ADGRB1: variants seen among roughly 807,000 people sequenced by gnomAD.
The protein encoded by ADGRB1 is brain-specific angiogenesis inhibitor 1.
ADGRB1 carries 36 observed loss-of-function variants against 175.7 expected under a neutral mutation model. That is an observed-to-expected ratio of 0.20 (90% CI 0.16 to 0.27). The LOEUF (loss-of-function observed/expected upper bound fraction) is 0.27, where lower values mean the gene tolerates loss of function less well. ADGRB1 is among the 10% of genes least tolerant of loss of function. The pLI, the probability that ADGRB1 is intolerant of heterozygous loss-of-function variation, is 1.00. For missense variants in ADGRB1, 1,731 were observed against 2,255.3 expected, an observed-to-expected ratio of 0.77 and a Z score of 4.71; for synonymous variants, 1,054 against 979.4, an observed-to-expected ratio of 1.08 and a Z score of -1.42.
Position 142,504,725 on chromosome 8 carries a change from GT to G in ADGRB1, c.2676-6206del. 6.6e-6 allele frequency among the ~76,000 whole-genome samples: 1 copy of G among 152,226 alleles called. No individual in the cohort carries two copies. The highest frequency in any genetic ancestry group is 2.1e-4 in the South Asian group (1 of 4,818). ...TGGATGAAGCATGACTAAGGGGCTT[GT>G]ACCTAGGGGTGATCGAGCCGCGTGT... On this transcript the variant is annotated intron_variant, in intron 17 of 30. Transcript: ENST00000517894. This position sits in a 1 kb window ranked among gnomAD's most constrained non-coding sequence, Gnocchi z 5.6.
chr8:142,489,287 G>T (rs757760141), intron 15 of ADGRB1, 49 bp from the exon 16 acceptor site: 4 of 1,602,908 alleles, frequency 2.5e-6, no homozygotes, highest in African/African-American at 2.7e-5. Flanking sequence ...GCCAGGAGGA[G>T]CCTGGGCTGG....
At chr8:142,459,733 T>C (rs1167342308) in intron 1 of ADGRB1, among the ~76,000 whole-genome samples, 1 of 152,158 alleles carries the variant, frequency 6.6e-6, no homozygotes, top group Admixed American at 6.5e-5. Flanking sequence ...TATGCACACA[T>C]GCATTTGTGC....
chr8:142,513,604 C>T (rs149385812), intron 18 of ADGRB1, among the ~76,000 whole-genome samples: 1 of 152,246 alleles, frequency 6.6e-6, no homozygotes, highest in East Asian at 1.9e-4. Flanking sequence ...GATGTGTGCA[C>T]ACAGAGGTCT....
intron 18 of ADGRB1, among the ~76,000 whole-genome samples, chr8:142,512,138 C>T (rs114085128): frequency 2.6e-5 from 4 of 152,236 alleles, no homozygotes; most frequent in African/African-American, 4.8e-5. Flanking sequence ...CAGTAAAATC[C>T]TCTGTTGACA....
At chr8:142,483,182 ACTGAG>A in intron 11 of ADGRB1, among the ~76,000 whole-genome samples, 1 of 132,344 alleles carries the variant, frequency 7.6e-6, no homozygotes, top group South Asian at 2.5e-4. Context: ...CCCTGGTCAC[ACTGAG>A]CCCTGACCCT....
At chr8:142,478,687 C>T (rs1841143414) in intron 7 of ADGRB1, among the ~76,000 whole-genome samples, 1 of 144,064 alleles carries the variant, frequency 6.9e-6, no homozygotes, top group African/African-American at 2.6e-5. Context: ...TAGCAGGGTG[C>T]ACAGTGGGAC....
chr8:142,529,211 A>T (rs1030720295), intron 24 of ADGRB1, among the ~76,000 whole-genome samples: 19 of 152,014 alleles, frequency 1.2e-4, no homozygotes, highest in African/African-American at 4.4e-4. Flanking sequence ...CATGTGTGTG[A>T]GTGTGCATGC....
intron 2 of ADGRB1, among the ~76,000 whole-genome samples, chr8:142,470,207 C>T (rs776090128): frequency 1.3e-5 from 2 of 152,248 alleles, no homozygotes; most frequent in African/African-American, 2.4e-5. Context: ...TGCCGGCTCT[C>T]TCTGGCTCTC....
In ADGRB1 at chr8:142,476,617, C is replaced by T. The variant is rs758174449; in HGVS notation, c.979C>T (p.Leu327=). The change falls in exon 4 of 31, where the codon CTG becomes TTG. Residue 327 remains leucine, a synonymous_variant. Transcript: ENST00000517894. ...AGRTSSRSQS[L]RSTDARRREE... ...GCGCACCAGCTCCCGGAGCCAGTCC[C>T]TGCGGTCCACAGATGCCCGGCGGCG... is the stretch of plus-strand genomic sequence containing the variant. The T allele has an allele frequency of 1.9e-6, 3 of 1,548,906 alleles. No individual in the cohort carries two copies. In the South Asian group the frequency reaches 3.6e-5, roughly 18 times the overall value.
In ADGRB1 at chr8:142,537,452, C is replaced by A. The variant is rs1338923886; in HGVS notation, c.3666+370C>A. On this transcript the variant is annotated intron_variant, in intron 26 of 30. Coordinates refer to ENST00000517894, the MANE Select transcript of ADGRB1 (RefSeq NM_001702.3). This position sits in a 1 kb window ranked among gnomAD's most constrained non-coding sequence, Gnocchi z 4.6. ...CCACCCTCAGTGCCCTCCATCCCCA[C>A]CCAGGAAAGTCCTGCTCAGCTGCCA... 6.6e-6 allele frequency among the ~76,000 whole-genome samples: 1 copy of A among 152,080 alleles called. No homozygotes were observed. The highest frequency in any genetic ancestry group is 1.5e-5 in the Non-Finnish European group (1 of 67,990).
intron 13 of ADGRB1, 129 bp downstream of exon 13, chr8:142,484,893 G>C: frequency 1.5e-6 from 1 of 688,830 alleles, no homozygotes; most frequent in Non-Finnish European, 2.4e-6. Flanking sequence ...CCTCCCAGCC[G>C]ATTTCTCAGA....
chr8:142,498,658 C>T (rs968176367), intron 17 of ADGRB1, among the ~76,000 whole-genome samples: 1 of 152,088 alleles, frequency 6.6e-6, no homozygotes, highest in African/African-American at 2.4e-5. Context: ...GTCCAGGGAG[C>T]TTCCTGGGCA....
chr8:142,487,031 C>A (rs1242054083), intron 13 of ADGRB1, among the ~76,000 whole-genome samples: 2 of 152,166 alleles, frequency 1.3e-5, no homozygotes, highest in African/African-American at 4.8e-5. Flanking sequence ...CAAAAAAAGA[C>A]AAAGTTCTGA....
chr8:142,520,702 T>C (rs1251653497), intron 19 of ADGRB1, 121 bp from the exon 20 acceptor site: 26 of 763,432 alleles, frequency 3.4e-5, no homozygotes, highest in Non-Finnish European at 6.0e-5. Context: ...GTGGTGGTGC[T>C]GTTGGTGACA....
At chr8:142,506,983 G>A (rs1487281184) in intron 17 of ADGRB1, among the ~76,000 whole-genome samples, 1 of 152,236 alleles carries the variant, frequency 6.6e-6, no homozygotes, top group African/African-American at 2.4e-5. Flanking sequence ...TTTCAGTCAA[G>A]GTTCAGATGT....
intron 17 of ADGRB1, among the ~76,000 whole-genome samples, chr8:142,502,375 G>C (rs1842630857): frequency 8.0e-6 from 1 of 124,628 alleles, no homozygotes; most frequent in East Asian, 2.6e-4. Flanking sequence ...TGGTTGCGTG[G>C]TTTTGATGAT....
chr8:142,467,805 G>A (rs997810410), intron 2 of ADGRB1, among the ~76,000 whole-genome samples: 10 of 152,208 alleles, frequency 6.6e-5, no homozygotes, highest in Non-Finnish European at 1.0e-4. Context: ...AAAACAGGAA[G>A]GGTAAAAATA....
chr8:142,527,313 T>C (rs1381344878), intron 24 of ADGRB1, among the ~76,000 whole-genome samples: 1 of 152,208 alleles, frequency 6.6e-6, no homozygotes, highest in Non-Finnish European at 1.5e-5. Context: ...TGCTGTTCTG[T>C]GTCATCCAGC....
At position 142,511,010 on chromosome 8, in the gene ADGRB1, G is replaced by T; in HGVS notation, c.2754G>T (p.Arg918=). The T allele has an allele frequency of 7.6e-7, 1 of 1,317,082 alleles. No individual in the cohort carries two copies. Among genetic ancestry groups the T allele is most frequent in the Non-Finnish European group, 9.8e-7 (1 of 1,016,170 alleles). The allele number at this position is 1,317,082 out of a possible 1,614,324, so 81.6% of individuals were successfully genotyped here. The change falls in exon 18 of 31, where the codon CGG becomes CGT. Residue 918 remains arginine (R), a synonymous_variant. Transcript: ENST00000517894. The surrounding 1 kb of genome is among the most constrained non-coding windows in gnomAD (Gnocchi z 4.5). ...GCRTVPLDAL[R]TRCLCDRLST... is the part of the protein sequence containing the mutation. Reference sequence around the variant, plus strand: ...GCACGGTGCCCCTCGACGCCCTCCGGACGCGCTGCCTCTGTGACCGGCTCT... The same window carrying T: ...GCACGGTGCCCCTCGACGCCCTCCGTACGCGCTGCCTCTGTGACCGGCTCT...
Sources: gnomAD v4.1 joint callset for allele counts (sites outside exome capture counted in the v4.1 genomes callset) on GRCh38, gnomAD v4.1.1 for gene constraint, Gnocchi (gnomAD v3.1) non-coding constraint, MANE v1.5 for transcripts, NCBI Gene and HGNC (gene_info 2026-07-23, HGNC 2026-07-21) for gene names.